AFF2: variants seen among roughly 807,000 people sequenced by gnomAD.
AFF2 encodes AF4/FMR2 family member 2.
A neutral mutation model predicts 76.9 loss-of-function variants in AFF2; 14 were observed. The ratio of observed to expected loss-of-function variants is 0.18; its 90% CI spans 0.12 to 0.28. The LOEUF is 0.28. AFF2 is among the 10% of genes least tolerant of loss of function. The pLI is 1.00. For missense variants in AFF2, 868 were observed against 1,001.1 expected (o/e 0.87, Z 1.79); for synonymous variants, 398 against 366.7 (o/e 1.09, Z -0.98).
intron 3 of AFF2, among the ~76,000 whole-genome samples, chrX:148,664,299 C>T (rs782713702): frequency 8.9e-6 from 1 of 112,390 alleles, no homozygotes; most frequent in Non-Finnish European, 1.9e-5. Context: ...ACATATTTCA[C>T]TACTTCTTCA....
At chrX:148,521,840 A>G (rs530587291) in intron 1 of AFF2, among the ~76,000 whole-genome samples, 1 of 112,075 alleles carries the variant, frequency 8.9e-6, no homozygotes, top group Admixed American at 9.5e-5. Context: ...ACTCTCTTGC[A>G]CTGAGATTGA....
chrX:148,795,441 C>A (rs781995687), intron 3 of AFF2, among the ~76,000 whole-genome samples: 4 of 109,813 alleles, frequency 3.6e-5, no homozygotes, highest in Non-Finnish European at 7.6e-5. Context: ...AGGTATAATG[C>A]TTTCCTTTTC....
intron 3 of AFF2, among the ~76,000 whole-genome samples, chrX:148,773,703 A>AAAGAAAGAAAGAAAGG (rs2069625464): frequency 1.1e-5 from 1 of 92,556 alleles, no homozygotes; most frequent in African/African-American, 5.0e-5. Flanking sequence ...AGAAAGAAAG[A>AAAGAAAGAAAGAAAGG]AAGAAAGAAA....
At chrX:148,820,867 A>C (rs1389951104) in intron 4 of AFF2, among the ~76,000 whole-genome samples, 1 of 112,008 alleles carries the variant, frequency 8.9e-6, no homozygotes, top group Non-Finnish European at 1.9e-5. Context: ...AAGAGTAACC[A>C]GGATAGTGGG....
intron 1 of AFF2, among the ~76,000 whole-genome samples, chrX:148,567,626 A>C (rs1444582448): frequency 9.0e-6 from 1 of 111,234 alleles, no homozygotes; most frequent in Non-Finnish European, 1.9e-5. Flanking sequence ...AAGGATTTAC[A>C]CTAAAATACT....
At chrX:148,687,574 G>A (rs990742019) in intron 3 of AFF2, among the ~76,000 whole-genome samples, 1 of 110,690 alleles carries the variant, frequency 9.0e-6, no homozygotes, top group Non-Finnish European at 1.9e-5. Flanking sequence ...TGGTACTTAA[G>A]TAAGAGCTCA....
At chrX:148,513,405 C>T (rs2052503152) in intron 1 of AFF2, among the ~76,000 whole-genome samples, 1 of 111,742 alleles carries the variant, frequency 8.9e-6, no homozygotes, top group Non-Finnish European at 1.9e-5. Flanking sequence ...GACTTTTACA[C>T]TCTGATCACC....
At chrX:148,843,116 A>C (rs782721769) in intron 6 of AFF2, 114 bp downstream of exon 6, 2 of 607,739 alleles carry the variant, frequency 3.3e-6, no homozygotes, top group Admixed American at 3.7e-5. Flanking sequence ...AATAACAAAA[A>C]GTTATTTTAA....
chrX:148,868,069 A>G (rs782807251), intron 7 of AFF2, among the ~76,000 whole-genome samples: 8 of 111,128 alleles, frequency 7.2e-5, no homozygotes, highest in Admixed American at 3.8e-4. Flanking sequence ...ACCTACTACA[A>G]TTGAAGAGGG....
At chrX:148,754,518 T>G (rs1323623626) in intron 3 of AFF2, among the ~76,000 whole-genome samples, 1 of 110,951 alleles carries the variant, frequency 9.0e-6, no homozygotes, top group Non-Finnish European at 1.9e-5. Flanking sequence ...CCAGAAGCTA[T>G]CTATGGGCTT....
At chrX:148,973,355 A>G in intron 15 of AFF2, 116 bp from the exon 16 acceptor site, 1 of 932,127 alleles carries the variant, frequency 1.1e-6, no homozygotes, top group Non-Finnish European at 1.5e-6. Flanking sequence ...GTCTCCAGAC[A>G]TTGCCAAATG....
rs141874069 is a variant in AFF2 at position 148,818,016 on chromosome X, A to G, written c.1086+8096A>G. 3.4e-3 allele frequency among the ~76,000 whole-genome samples: 380 copies of G among 111,893 alleles called. 2 individuals carry two copies. Among genetic ancestry groups the G allele is most frequent in the African/African-American group, 0.012 (357 of 30,919 alleles). ...AGGCTAGTATCACATTTCATGGAGAAACTCTCAAAGCATTCTCATTATAGT... is the reference window on the plus strand; with the variant it reads ...AGGCTAGTATCACATTTCATGGAGAGACTCTCAAAGCATTCTCATTATAGT... On this transcript the variant is annotated intron_variant, in intron 4 of 20. Coordinates refer to ENST00000370460, the MANE Select transcript of AFF2 (RefSeq NM_002025.4).
chrX:148,637,758 A>G (rs2054047451), intron 1 of AFF2, among the ~76,000 whole-genome samples: 1 of 112,639 alleles, frequency 8.9e-6, no homozygotes, highest in Admixed American at 9.4e-5. Context: ...CTTACAGTAC[A>G]TCTTAATACA....
chrX:148,889,667 C>T (rs181114036), intron 8 of AFF2, among the ~76,000 whole-genome samples: 1 of 111,556 alleles, frequency 9.0e-6, no homozygotes, highest in African/African-American at 3.3e-5. Flanking sequence ...ACTATTTGGG[C>T]AGCAGACATA....
intron 3 of AFF2, among the ~76,000 whole-genome samples, chrX:148,684,116 G>A (rs1030283556): frequency 8.9e-5 from 10 of 111,845 alleles, no homozygotes; most frequent in African/African-American, 2.0e-4. Flanking sequence ...TTAAAGTGTC[G>A]TCATTAGAGA....
intron 3 of AFF2, among the ~76,000 whole-genome samples, chrX:148,723,866 A>T (rs782774062): frequency 1.5e-4 from 16 of 109,457 alleles, no homozygotes; most frequent in Non-Finnish European, 2.9e-4. Context: ...ATTGTTCTGT[A>T]ACCAAAATTG....
chrX:148,987,698 C>T (rs997251932), intron 20 of AFF2, 141 bp downstream of exon 20: 38 of 530,375 alleles, frequency 7.2e-5, no homozygotes, highest in Non-Finnish European at 1.1e-4. Context: ...AGACAGAGTT[C>T]GCTCAGGGCT....
chrX:148,540,169 A>G (rs1557237234), intron 1 of AFF2, among the ~76,000 whole-genome samples: 4 of 111,880 alleles, frequency 3.6e-5, no homozygotes, highest in African/African-American at 1.3e-4. Context: ...AATAAAGAGT[A>G]TAAACAGTAT....
intron 9 of AFF2, among the ~76,000 whole-genome samples, chrX:148,916,518 C>A (rs1200553337): frequency 9.0e-6 from 1 of 110,791 alleles, no homozygotes; most frequent in African/African-American, 3.3e-5. Context: ...CCGGTTTTAA[C>A]TTTTAAAAAC....
Sources: allele counts gnomAD v4.1 joint callset (sites outside exome capture counted in the v4.1 genomes callset), GRCh38; gene constraint gnomAD v4.1.1; transcripts MANE v1.5; gene names NCBI Gene and HGNC (gene_info 2026-07-23, HGNC 2026-07-21).